The following TAFA5 variants were observed in gnomAD, a reference collection of about 807,000 sequenced individuals.
The protein encoded by TAFA5 is TAFA chemokine like family member 5, also known as chemokine-like protein TAFA-5.
Under a neutral mutation model 15.3 loss-of-function variants are expected in TAFA5, and 6 were observed. The ratio of observed to expected loss-of-function variants is 0.39; its 90% CI spans 0.21 to 0.77. TAFA5 has a LOEUF of 0.77. Among genes scored for constraint, TAFA5 ranks in the 30% least tolerant of loss-of-function variants. The pLI is 0.41. For missense variants in TAFA5, 161 were observed against 193.1 expected (o/e 0.83, Z 0.98); for synonymous variants, 103 against 80.7 (o/e 1.28, Z -1.48).
intron 1 of TAFA5, among the ~76,000 whole-genome samples, chr22:48,554,525 T>C (rs1458410256): frequency 6.6e-6 from 1 of 152,162 alleles, no homozygotes; most frequent in Non-Finnish European, 1.5e-5. Context: ...AGGAGGGTAT[T>C]ATGGATTTCA....
Position 48,503,429 on chromosome 22 carries a change from G to A in TAFA5, c.112+13725G>A, listed in dbSNP as rs550280634. Reference sequence around the variant, plus strand: ...GCCTTGCCAGAGCAGATGTGGACTCGTGAACTTGGGAAGGTTTCAGAACCC... The same window carrying A: ...GCCTTGCCAGAGCAGATGTGGACTCATGAACTTGGGAAGGTTTCAGAACCC... On this transcript the variant is annotated intron_variant, in intron 1 of 3. Transcript: ENST00000402357. Among the ~76,000 whole-genome samples, 5 of 152,328 alleles carry A rather than the reference G, an allele frequency of 3.3e-5. No individual in the cohort carries two copies. The South Asian group carries it at 6.2e-4, about 19-fold the overall frequency.
chr22:48,508,296 G>C (rs560138959), intron 1 of TAFA5, among the ~76,000 whole-genome samples: 170 of 152,322 alleles, frequency 1.1e-3, no homozygotes, highest in South Asian at 4.3e-3. Flanking sequence ...AGGCTAGAGA[G>C]TAGGCGGGGG....
At position 48,490,088 on chromosome 22, in the gene TAFA5, G is replaced by A. The variant is rs1444924339; in HGVS notation, c.112+384G>A. 6.6e-6 allele frequency among the ~76,000 whole-genome samples: 1 copy of A among 152,080 alleles called. No individual in the cohort carries two copies. Among genetic ancestry groups the A allele is most frequent in the Non-Finnish European group, 1.5e-5 (1 of 67,990 alleles). ...GCGGAGGGCGGGCGGCGCTGCCGGG[G>A]TGTCTGCGGAGCGCCCTCCCCGTGC... On this transcript the variant is annotated intron_variant, in intron 1 of 3. Coordinates refer to ENST00000402357, the MANE Select transcript of TAFA5 (RefSeq NM_001082967.3). The surrounding 1 kb of genome is among the most constrained non-coding windows in gnomAD (Gnocchi z 5.8).
intron 1 of TAFA5, among the ~76,000 whole-genome samples, chr22:48,642,351 AG>A (rs1569060723): frequency 1.3e-5 from 2 of 152,148 alleles, no homozygotes. Flanking sequence ...TCCAGACAGC[AG>A]GGACACCTCC....
intron 1 of TAFA5, chr22:48,576,325 C>A: frequency 8.3e-7 from 1 of 1,206,510 alleles, no homozygotes; most frequent in South Asian, 4.1e-5. Context: ...AATCGCCTCC[C>A]GGAGTGGCGC....
chr22:48,607,565 C>T (rs1376830267), intron 1 of TAFA5, among the ~76,000 whole-genome samples: 16 of 129,030 alleles, frequency 1.2e-4, no homozygotes, highest in Admixed American at 1.2e-3. Context: ...CCTGGCCCAC[C>T]CATCCCAGGT....
Position 48,692,247 on chromosome 22 carries a change from G to A in TAFA5, c.263-15470G>A, listed in dbSNP as rs569873267. 3.3e-5 allele frequency among the ~76,000 whole-genome samples: 5 copies of A among 152,274 alleles called. No homozygotes were observed. The East Asian group carries it at 9.7e-4, about 29-fold the overall frequency. The stretch of plus-strand genomic sequence containing the variant: ...AGTGAGACCCTCAGAGTGCAGGGAG[G>A]GCTGCAGTAGGTCAGCAAATGGGGC... On this transcript the variant is annotated intron_variant, in intron 2 of 3. Coordinates refer to ENST00000402357, the MANE Select transcript of TAFA5 (RefSeq NM_001082967.3).
intron 1 of TAFA5, among the ~76,000 whole-genome samples, chr22:48,564,653 C>T (rs1923350670): frequency 6.6e-6 from 1 of 152,218 alleles, no homozygotes; most frequent in Non-Finnish European, 1.5e-5. Flanking sequence ...AGTTGAGGGC[C>T]ACTCCTCATT....
intron 1 of TAFA5, among the ~76,000 whole-genome samples, chr22:48,588,285 G>A (rs181091339): frequency 5.3e-5 from 8 of 152,304 alleles, no homozygotes; most frequent in Admixed American, 2.6e-4. Context: ...GGCCACCTGC[G>A]CAGAGGGTGT....
chr22:48,617,858 C>G (rs951611135), intron 1 of TAFA5, among the ~76,000 whole-genome samples: 18 of 151,850 alleles, frequency 1.2e-4, no homozygotes, highest in Middle Eastern at 3.4e-3. Flanking sequence ...GGTGCACAAG[C>G]ACATATGGGT....
intron 1 of TAFA5, among the ~76,000 whole-genome samples, chr22:48,499,887 G>T (rs961675109): frequency 6.6e-6 from 1 of 152,124 alleles, no homozygotes; most frequent in African/African-American, 2.4e-5. Flanking sequence ...TGTGCGTTCC[G>T]GGGTGTTAGA....
At chr22:48,717,227 G>A (rs182819786) in intron 3 of TAFA5, among the ~76,000 whole-genome samples, 5 of 152,328 alleles carry the variant, frequency 3.3e-5, no homozygotes, top group Admixed American at 3.3e-4. Flanking sequence ...GCAGATCGCC[G>A]AAGCCGGGAA....
intron 1 of TAFA5, among the ~76,000 whole-genome samples, chr22:48,621,511 G>T (rs1292233656): frequency 6.6e-6 from 1 of 152,084 alleles, no homozygotes; most frequent in African/African-American, 2.4e-5. Context: ...GGTAGGGGCT[G>T]TTGGGCCCAT....
intron 3 of TAFA5, among the ~76,000 whole-genome samples, chr22:48,730,105 C>G (rs1211423735): frequency 6.6e-6 from 1 of 152,202 alleles, no homozygotes; most frequent in Non-Finnish European, 1.5e-5. Context: ...AAAAAAGAGG[C>G]TGGGCACGGT....
intron 3 of TAFA5, among the ~76,000 whole-genome samples, chr22:48,746,263 G>A (rs141328212): frequency 1.1e-4 from 17 of 152,138 alleles, no homozygotes; most frequent in East Asian, 1.9e-4. Context: ...ACCCCGTGCC[G>A]TTCAGGAAGC....
chr22:48,551,100 A>G (rs1162994664), intron 1 of TAFA5, among the ~76,000 whole-genome samples: 1 of 151,950 alleles, frequency 6.6e-6, no homozygotes, highest in Non-Finnish European at 1.5e-5. Flanking sequence ...GCACGGGGTG[A>G]GGTCCCTCCC....
At chr22:48,628,711 G>GC (rs1324460140) in intron 1 of TAFA5, among the ~76,000 whole-genome samples, 2 of 152,234 alleles carry the variant, frequency 1.3e-5, no homozygotes, top group Non-Finnish European at 2.9e-5. Context: ...GGGCATGGCT[G>GC]CCCCCGGGAG....
At chr22:48,659,225 C>G (rs1202427971) in intron 2 of TAFA5, among the ~76,000 whole-genome samples, 2 of 152,236 alleles carry the variant, frequency 1.3e-5, no homozygotes, top group Non-Finnish European at 2.9e-5. Flanking sequence ...ATAGCCGCAG[C>G]CTTGTTGCTC....
chr22:48,670,793 C>T (rs1927779237), intron 2 of TAFA5, among the ~76,000 whole-genome samples: 1 of 152,212 alleles, frequency 6.6e-6, no homozygotes, highest in Non-Finnish European at 1.5e-5. Flanking sequence ...GGCAATTTTA[C>T]ATGATGGAGA....
Sources: allele counts gnomAD v4.1 joint callset (sites outside exome capture counted in the v4.1 genomes callset), GRCh38; gene constraint gnomAD v4.1.1; non-coding constraint Gnocchi (gnomAD v3.1); transcripts MANE v1.5; gene names NCBI Gene and HGNC (gene_info 2026-07-23, HGNC 2026-07-21).